The following CHL1 variants were observed in gnomAD, a reference collection of about 807,000 sequenced individuals.
CHL1 encodes the protein cell adhesion molecule L1 like.
Under a neutral mutation model 141.9 loss-of-function variants are expected in CHL1, and 96 were observed. The ratio of observed to expected loss-of-function variants is 0.68; its 90% CI spans 0.57 to 0.80. The LOEUF (loss-of-function observed/expected upper bound fraction) is 0.80, where lower values mean the gene tolerates loss of function less well. Among genes scored for constraint, CHL1 ranks in the 30% least tolerant of loss-of-function variants. CHL1 has a pLI of 0.00. For synonymous variants in CHL1, 613 were observed against 502.2 expected (o/e 1.22, Z -2.95); for missense variants, 1,820 against 1,457.2 (o/e 1.25, Z -4.05).
At position 223,617 on chromosome 3, in the gene CHL1, G is replaced by A. The variant is rs182179831; in HGVS notation, c.-174-20996G>A. On this transcript the variant is annotated intron_variant, in intron 1 of 27. Transcript: ENST00000256509. ...AAAATTGTATTATAATTGTCCAACA[G>A]GTTCTTCTTGCCCACTGCATGGATA... 1.8e-3 allele frequency among the ~76,000 whole-genome samples: 268 copies of A among 152,328 alleles called. 1 individual carries two copies. The highest frequency in any genetic ancestry group is 6.0e-3 in the African/African-American group (251 of 41,572).
intron 4 of CHL1, among the ~76,000 whole-genome samples, 169 bp from the exon 5 acceptor site, chr3:327,998 A>G (rs1264706322): frequency 6.6e-6 from 1 of 152,090 alleles, no homozygotes; most frequent in African/African-American, 2.4e-5. Context: ...GGACAGTAAT[A>G]TTTCTCAGAT....
intron 2 of CHL1, among the ~76,000 whole-genome samples, chr3:288,546 C>G (rs1697378526): frequency 6.6e-6 from 1 of 152,140 alleles, no homozygotes; most frequent in South Asian, 2.1e-4. Context: ...TGCATTGCCA[C>G]AGATCCTATC....
At chr3:227,802 G>A (rs1701493296) in intron 1 of CHL1, among the ~76,000 whole-genome samples, 1 of 152,140 alleles carries the variant, frequency 6.6e-6, no homozygotes, top group Non-Finnish European at 1.5e-5. Context: ...CTCATTGCTT[G>A]CACTTCTGTT....
At chr3:289,350 C>T (rs747741996) in intron 2 of CHL1, among the ~76,000 whole-genome samples, 1 of 152,054 alleles carries the variant, frequency 6.6e-6, no homozygotes, top group Non-Finnish European at 1.5e-5. Context: ...GCTTTATTCC[C>T]TGTTGTGGAT....
At chr3:256,906 A>G (rs1256180855) in intron 2 of CHL1, among the ~76,000 whole-genome samples, 3 of 152,192 alleles carry the variant, frequency 2.0e-5, no homozygotes, top group Non-Finnish European at 2.9e-5. Flanking sequence ...GCTGCTTAGG[A>G]GCAAAGACAC....
At chr3:333,124 A>ATTTTTTTTTTTGTTTTT (rs879790982) in intron 5 of CHL1, among the ~76,000 whole-genome samples, 1 of 83,314 alleles carries the variant, frequency 1.2e-5, no homozygotes, top group African/African-American at 4.6e-5. Flanking sequence ...TAATTGCTCT[A>ATTTTTTTTTTTGTTTTT]TTTTTTTTAT....
At chr3:300,764 A>AG (rs1262357022) in intron 2 of CHL1, among the ~76,000 whole-genome samples, 1 of 149,986 alleles carries the variant, frequency 6.7e-6, no homozygotes, top group African/African-American at 2.5e-5. Context: ...TCTTATTTCT[A>AG]GGAAAAAAAA....
At chr3:353,868 A>G (rs1703476139) in intron 10 of CHL1, among the ~76,000 whole-genome samples, 1 of 152,140 alleles carries the variant, frequency 6.6e-6, no homozygotes, top group Non-Finnish European at 1.5e-5. Context: ...CTTTAATCTA[A>G]ACCTTTTAGT....
chr3:242,697 C>CAG lies in CHL1; in HGVS notation c.-174-1902_-174-1901dup, dbSNP rs71619441. 1.5e-4 allele frequency among the ~76,000 whole-genome samples: 23 copies of CAG among 149,156 alleles called. No individual in the cohort carries two copies. In the East Asian group the frequency reaches 3.1e-3, roughly 20 times the overall value. On this transcript the variant is annotated intron_variant, in intron 1 of 27. Transcript: ENST00000256509. ...ATGCACACAAACACACACACACACA[C>CAG]AGAGAGAGAGAGAGATTAGATTAGT...
intron 5 of CHL1, among the ~76,000 whole-genome samples, chr3:337,627 T>C (rs1702007975): frequency 1.3e-5 from 2 of 152,122 alleles, no homozygotes; most frequent in African/African-American, 2.4e-5. Flanking sequence ...TTTGGTTTTT[T>C]GTCCTTGCGA....
At chr3:297,436 G>T (rs1266154994) in intron 2 of CHL1, among the ~76,000 whole-genome samples, 1 of 152,050 alleles carries the variant, frequency 6.6e-6, no homozygotes, top group African/African-American at 2.4e-5. Context: ...TTATTGGCAG[G>T]TTTAATGTAA....
intron 2 of CHL1, among the ~76,000 whole-genome samples, chr3:281,076 G>T (rs1029393995): frequency 2.0e-5 from 3 of 152,084 alleles, no homozygotes; most frequent in African/African-American, 4.8e-5. Flanking sequence ...GTAATGACTT[G>T]TATTACTGGT....
chr3:385,288 C>T (rs1707547595), intron 19 of CHL1, among the ~76,000 whole-genome samples: 1 of 152,090 alleles, frequency 6.6e-6, no homozygotes, highest in African/African-American at 2.4e-5. Context: ...GCTCATTAAT[C>T]CTCACTACTC....
chr3:297,132 G>A (rs538214598), intron 2 of CHL1, among the ~76,000 whole-genome samples: 156 of 152,166 alleles, frequency 1.0e-3, no homozygotes, highest in African/African-American at 3.2e-3. Flanking sequence ...AGGCAGAGGT[G>A]GGAGGATTGC....
At chr3:354,891 C>G in intron 11 of CHL1, 120 bp downstream of exon 11, 1 of 1,214,780 alleles carries the variant, frequency 8.2e-7, no homozygotes. Context: ...CAGATACAAC[C>G]AGCAAATCAG....
In CHL1 at chr3:197,937, G is replaced by A. The variant is rs548645309; in HGVS notation, c.-175+874G>A. 1.3e-3 allele frequency: 507 copies of A among 391,188 alleles called. 8 individuals are homozygous for A. The highest frequency in any genetic ancestry group is 8.9e-3 in the South Asian group (482 of 54,066). 24.2% of individuals were successfully genotyped at this position (391,188 alleles called of 1,614,324 possible). ...CAGCACGGAGAAAGTGATTAATTTG[G>A]GGAGCAGGGATTGGAGCCGGGAGGC... is the stretch of plus-strand genomic sequence containing the variant. On this transcript the variant is annotated intron_variant, in intron 1 of 27. Transcript: ENST00000256509.
At chr3:314,692 C>T (rs1414800459) in intron 2 of CHL1, among the ~76,000 whole-genome samples, 1 of 151,950 alleles carries the variant, frequency 6.6e-6, no homozygotes, top group Admixed American at 6.6e-5. Flanking sequence ...TGTCTCTTAT[C>T]TTCCAACAGG....
chr3:349,418 C>G lies in CHL1; in HGVS notation c.908C>G (p.Thr303Arg), dbSNP rs1279409751. 1 of 1,613,712 alleles carries G rather than the reference C, an allele frequency of 6.2e-7. No individual in the cohort carries two copies. Among genetic ancestry groups the G allele is most frequent in the African/African-American group, 1.3e-5 (1 of 74,900 alleles). ...IGGDLPKGRE[T>R]KENYGKTLKI... is the part of the protein sequence containing the mutation. The stretch of plus-strand genomic sequence containing the variant: ...GGTGACTTACCAAAGGGGAGAGAAA[C>G]AAAAGAAAATTATGGCAAGACTTTG... The change falls in exon 10 of 28, where the codon ACA becomes AGA. Residue 303 changes from threonine (T) to arginine (R), a missense_variant. Physicochemically the swap from Thr to Arg is moderately conservative, Grantham distance 71 (BLOSUM62 -1). Coordinates refer to ENST00000256509, the MANE Select transcript of CHL1 (RefSeq NM_006614.4).
intron 1 of CHL1, among the ~76,000 whole-genome samples, chr3:202,202 T>A (rs982602463): frequency 2.6e-5 from 4 of 152,166 alleles, no homozygotes; most frequent in African/African-American, 9.7e-5. Flanking sequence ...TTGTGGACAT[T>A]GTATGGGGCA....
Sources: allele counts gnomAD v4.1 joint callset (sites outside exome capture counted in the v4.1 genomes callset), GRCh38; gene constraint gnomAD v4.1.1; transcripts MANE v1.5; gene names NCBI Gene and HGNC (gene_info 2026-07-23, HGNC 2026-07-21).